Variants in PTPRG observed in about 807,000 individuals in gnomAD.
PTPRG encodes receptor-type tyrosine-protein phosphatase gamma.
A neutral mutation model predicts 165.3 loss-of-function variants in PTPRG; 102 were observed. That is an observed-to-expected ratio of 0.62 (90% CI 0.53 to 0.73). The LOEUF is 0.73. PTPRG is among the 30% of genes least tolerant of loss of function. The pLI, the probability that PTPRG is intolerant of heterozygous loss-of-function variation, is 0.00. For missense variants in PTPRG, 1,866 were observed against 1,861.4 expected, an observed-to-expected ratio of 1.00 and a Z score of -0.05; for synonymous variants, 675 against 669.5, an observed-to-expected ratio of 1.01 and a Z score of -0.13.
chr3:61,988,403 T>C (rs2040810261), intron 2 of PTPRG, among the ~76,000 whole-genome samples: 1 of 152,146 alleles, frequency 6.6e-6, no homozygotes. Context: ...CCATGGCAAA[T>C]GATTGGGTGG....
intron 1 of PTPRG, among the ~76,000 whole-genome samples, chr3:61,681,981 C>T (rs1268580892): frequency 6.6e-6 from 1 of 151,836 alleles, no homozygotes; most frequent in Non-Finnish European, 1.5e-5. Context: ...GAAAACTTTT[C>T]GCTACTAAAA....
rs79840605 is a variant in PTPRG, at chr3:62,044,610, T to A, written c.520-33553T>A. 8.5e-4 allele frequency among the ~76,000 whole-genome samples: 130 copies of A among 152,320 alleles called. No homozygotes were observed. The East Asian group carries it at 0.019, about 22-fold the overall frequency. ...ATTATTTTAAGATTAAATGAGCTAT[T>A]GTATTTAAAGCATTTAATACACACA... On this transcript the variant is annotated intron_variant, in intron 4 of 29. Coordinates refer to ENST00000474889, the MANE Select transcript of PTPRG (RefSeq NM_002841.4).
At chr3:62,189,730 C>G (rs554371593) in intron 8 of PTPRG, among the ~76,000 whole-genome samples, 1 of 152,298 alleles carries the variant, frequency 6.6e-6, no homozygotes, top group East Asian at 1.9e-4. Context: ...GCCTTCTACA[C>G]TCAGCTGAAG....
intron 2 of PTPRG, among the ~76,000 whole-genome samples, chr3:61,781,683 A>T (rs1217041395): frequency 6.6e-6 from 1 of 152,138 alleles, no homozygotes; most frequent in Non-Finnish European, 1.5e-5. Flanking sequence ...TTGATTTTTC[A>T]ATTGAATTAT....
At chr3:61,880,803 A>G (rs1387405911) in intron 2 of PTPRG, among the ~76,000 whole-genome samples, 10 of 152,162 alleles carry the variant, frequency 6.6e-5, no homozygotes, top group Admixed American at 2.6e-4. Flanking sequence ...TATTTGTCCT[A>G]TGGACCACGG....
At chr3:62,258,888 A>G (rs528109392) in intron 16 of PTPRG, among the ~76,000 whole-genome samples, 1 of 152,252 alleles carries the variant, frequency 6.6e-6, no homozygotes, top group Admixed American at 6.5e-5. Flanking sequence ...GGCCCCCACA[A>G]ACATAATGCA....
At chr3:61,854,140 G>A (rs1237775715) in intron 2 of PTPRG, among the ~76,000 whole-genome samples, 1 of 152,178 alleles carries the variant, frequency 6.6e-6, no homozygotes, top group Non-Finnish European at 1.5e-5. Context: ...GAGAACAGCA[G>A]CCCTGTGCTG....
In PTPRG at chr3:61,923,122, T is replaced by C. The variant is rs568354526; in HGVS notation, c.191-66503T>C. 4.2e-3 allele frequency among the ~76,000 whole-genome samples: 564 copies of C among 133,956 alleles called. 2 individuals carry two copies. Among genetic ancestry groups the C allele is most frequent in the Non-Finnish European group, 7.2e-3 (435 of 60,122 alleles). 87.9% of individuals were successfully genotyped at this position (133,956 alleles called of 152,430 possible). A position where few individuals can be genotyped will look rare whatever the true frequency, so the allele number is the denominator to read the frequency against. On this transcript the variant is annotated intron_variant, in intron 2 of 29. Transcript: ENST00000474889. ...TTCCCACTGCCTAGAGCTTAGTAGG[T>C]ACTGATTAAAATGTATTAAGTTAAT...
intron 5 of PTPRG, among the ~76,000 whole-genome samples, chr3:62,132,000 G>T (rs1370942339): frequency 6.6e-6 from 1 of 152,142 alleles, no homozygotes; most frequent in Non-Finnish European, 1.5e-5. Flanking sequence ...AGAAGAGGTG[G>T]GAAGAAGACT....
At chr3:61,661,836 T>C (rs1204774768) in intron 1 of PTPRG, among the ~76,000 whole-genome samples, 2 of 152,148 alleles carry the variant, frequency 1.3e-5, no homozygotes, top group African/African-American at 4.8e-5. Context: ...GATTTTGATT[T>C]ACAAATACTT....
rs75264956 is a variant in PTPRG, at chr3:62,044,894, G to A, written c.520-33269G>A. Among the ~76,000 whole-genome samples the A allele has an allele frequency of 7.0e-3, 1,068 of 152,146 alleles. 17 individuals carry two copies. Among genetic ancestry groups the A allele is most frequent in the African/African-American group, 0.025 (1,031 of 41,494 alleles). On this transcript the variant is annotated intron_variant, in intron 4 of 29. Transcript: ENST00000474889. ...TGATGGATTTTATTATGTATGTCCT[G>A]GAAACTTGGGAGCATTCCTTACCCA... is the stretch of plus-strand genomic sequence containing the variant.
rs182688798 is a variant in PTPRG, at chr3:62,268,484, C to T, written c.2875-551C>T. Reference sequence around the variant, plus strand: ...CAAATCTTGCACATGTACCCCAAAACTAAAACTAAAAATTAAAAACAAACA... The same window carrying T: ...CAAATCTTGCACATGTACCCCAAAATTAAAACTAAAAATTAAAAACAAACA... On this transcript the variant is annotated intron_variant, in intron 19 of 29. Transcript: ENST00000474889. Among the ~76,000 whole-genome samples the T allele has an allele frequency of 1.8e-3, 267 of 152,084 alleles. 1 individual carries two copies. Among genetic ancestry groups the T allele is most frequent in the Non-Finnish European group, 3.4e-3 (231 of 67,956 alleles).
chr3:62,168,985 C>G (rs1392906354), intron 8 of PTPRG, among the ~76,000 whole-genome samples: 1 of 152,140 alleles, frequency 6.6e-6, no homozygotes, highest in African/African-American at 2.4e-5. Context: ...GCAGTCTCCT[C>G]TCTGATTGTC....
At position 61,615,071 on chromosome 3, in the gene PTPRG, A is replaced by G. The variant is rs992008565; in HGVS notation, c.85+52699A>G. On this transcript the variant is annotated intron_variant, in intron 1 of 29. Coordinates refer to ENST00000474889, the MANE Select transcript of PTPRG (RefSeq NM_002841.4). Reference sequence around the variant, plus strand: ...TTTCCTCGCTGAACTACTTGGATTCATTGCCAGCCTGGCACCCTGTCCCCT... The same window carrying G: ...TTTCCTCGCTGAACTACTTGGATTCGTTGCCAGCCTGGCACCCTGTCCCCT... Among the ~76,000 whole-genome samples the G allele has an allele frequency of 3.3e-5, 5 of 152,358 alleles. No homozygotes were observed. The East Asian group carries it at 9.6e-4, about 29-fold the overall frequency.
Position 61,702,713 on chromosome 3 carries a change from C to T in PTPRG, c.86-46165C>T, listed in dbSNP as rs185953840. Among the ~76,000 whole-genome samples the T allele has an allele frequency of 2.0e-5, 3 of 152,306 alleles. No homozygotes were observed. The East Asian group carries it at 5.8e-4, about 29-fold the overall frequency. ...CACCAGGTAACCACTATTGTATTTC[C>T]ACTCACCATACAGATAGATTTGCCC... On this transcript the variant is annotated intron_variant, in intron 1 of 29. Coordinates refer to ENST00000474889, the MANE Select transcript of PTPRG (RefSeq NM_002841.4).
chr3:61,678,714 C>T lies in PTPRG; in HGVS notation c.86-70164C>T, dbSNP rs1030806138. On this transcript the variant is annotated intron_variant, in intron 1 of 29. Transcript: ENST00000474889. Reference sequence around the variant, plus strand: ...AACAGCACCCAACCTACTTCCCAGACGTGTCATAATCATGTCCCATTTTGA... The same window carrying T: ...AACAGCACCCAACCTACTTCCCAGATGTGTCATAATCATGTCCCATTTTGA... Among the ~76,000 whole-genome samples the T allele has an allele frequency of 8.5e-5, 13 of 152,230 alleles. No homozygotes were observed. In the East Asian group the frequency reaches 1.4e-3, roughly 16 times the overall value.
At chr3:62,134,064 C>G (rs187380464) in intron 6 of PTPRG, among the ~76,000 whole-genome samples, 1 of 152,246 alleles carries the variant, frequency 6.6e-6, no homozygotes, top group East Asian at 1.9e-4. Context: ...CTTCAGGGCT[C>G]TTACCTCCCA....
At chr3:61,622,426 T>G (rs187235898) in intron 1 of PTPRG, among the ~76,000 whole-genome samples, 11 of 152,230 alleles carry the variant, frequency 7.2e-5, no homozygotes, top group African/African-American at 2.4e-4. Context: ...GTCAGTCACT[T>G]TGGATGATAA....
chr3:61,762,260 G>A (rs1396357768), intron 2 of PTPRG, among the ~76,000 whole-genome samples: 2 of 152,084 alleles, frequency 1.3e-5, no homozygotes, highest in Non-Finnish European at 2.9e-5. Context: ...ATCTACTAGG[G>A]TGTGAAAAGG....
Sources: allele counts gnomAD v4.1 joint callset (sites outside exome capture counted in the v4.1 genomes callset), GRCh38; gene constraint gnomAD v4.1.1; transcripts MANE v1.5; gene names NCBI Gene and HGNC (gene_info 2026-07-23, HGNC 2026-07-21).